The following ADI1 variants were observed in gnomAD, a reference collection of about 807,000 sequenced individuals.
ADI1 encodes acireductone dioxygenase 1.
ADI1 carries 21 observed loss-of-function variants against 18.7 expected under a neutral mutation model. That is an observed-to-expected ratio of 1.13 (90% CI 0.80 to 1.62). ADI1 has a LOEUF of 1.62. Ranked by LOEUF, ADI1 falls within the 40% of genes most tolerant of loss-of-function variation. The pLI is 0.00. For missense variants in ADI1, 245 were observed against 254.9 expected (o/e 0.96, Z 0.26); for synonymous variants, 90 against 100.1 (o/e 0.90, Z 0.60).
intron 2 of ADI1, among the ~76,000 whole-genome samples, chr2:3,513,171 AT>A (rs1163345775): frequency 6.6e-6 from 1 of 152,072 alleles, no homozygotes; most frequent in Non-Finnish European, 1.5e-5. Flanking sequence ...ACTTGTTTTG[AT>A]TTTGCAGGCT....
intron 2 of ADI1, among the ~76,000 whole-genome samples, chr2:3,501,701 T>G (rs1667016154): frequency 6.6e-6 from 1 of 152,048 alleles, no homozygotes; most frequent in East Asian, 1.9e-4. Context: ...CTAATTTTTG[T>G]ATTCTCAGTA....
chr2:3,512,057 G>C (rs1241513889), intron 2 of ADI1, among the ~76,000 whole-genome samples: 1 of 152,226 alleles, frequency 6.6e-6, no homozygotes, highest in African/African-American at 2.4e-5. Context: ...CAAGGGCAAA[G>C]GAATGACCTG....
In ADI1 at chr2:3,499,053, C is replaced by A. The variant is rs1453176250; in HGVS notation, c.450G>T (p.Val150=). Residue 150 remains valine (V), a synonymous_variant, in exon 4 of 4, where the codon GTG becomes GTT. Coordinates refer to ENST00000327435, the MANE Select transcript of ADI1 (RefSeq NM_018269.4). ...TGTACGCTGTCCACACCGGTTCTCC[C>A]ACAAACAGCCGCATGGCCTTCGTGT... ...KNYTKAMRLF[V]GEPVWTAYNR... is the part of the protein sequence containing the mutation. 1 of 1,614,072 alleles carries A rather than the reference C, an allele frequency of 6.2e-7. No homozygotes were observed. The highest frequency in any genetic ancestry group is 8.5e-7 in the Non-Finnish European group (1 of 1,179,910).
intron 2 of ADI1, among the ~76,000 whole-genome samples, chr2:3,504,202 A>C (rs947958468): frequency 1.2e-4 from 18 of 152,340 alleles, no homozygotes; most frequent in Admixed American, 5.2e-4. Flanking sequence ...CTTACTCACA[A>C]CACCACTGCG....
intron 2 of ADI1, among the ~76,000 whole-genome samples, chr2:3,503,549 T>A (rs1186919113): frequency 9.1e-6 from 1 of 109,428 alleles, no homozygotes; most frequent in East Asian, 2.6e-4. Flanking sequence ...ACGTACACAC[T>A]CACACACGTG....
intron 1 of ADI1, 48 bp downstream of exon 1, chr2:3,519,320 T>TG (rs1416926138): frequency 6.7e-6 from 9 of 1,342,534 alleles, no homozygotes; most frequent in Non-Finnish European, 8.6e-6. Context: ...GCGCGGCGTT[T>TG]GGGGGTCGGC....
At chr2:3,510,674 T>C (rs1358335660) in intron 2 of ADI1, among the ~76,000 whole-genome samples, 1 of 152,120 alleles carries the variant, frequency 6.6e-6, no homozygotes, top group African/African-American at 2.4e-5. Flanking sequence ...GGCAATAAAT[T>C]TGACAACTCA....
chr2:3,504,667 C>T (rs1667132033), intron 2 of ADI1, among the ~76,000 whole-genome samples: 1 of 152,224 alleles, frequency 6.6e-6, no homozygotes, highest in African/African-American at 2.4e-5. Context: ...TGTCGGTTCA[C>T]CTGCGTATGT....
At chr2:3,512,368 C>G (rs550654242) in intron 2 of ADI1, among the ~76,000 whole-genome samples, 5 of 152,316 alleles carry the variant, frequency 3.3e-5, no homozygotes, top group African/African-American at 9.6e-5. Context: ...CTTTCAGCAG[C>G]CCCTCCCATC....
chr2:3,519,519 AG>A lies in ADI1; in HGVS notation c.-33del. 1.6e-6 allele frequency: 2 copies of A among 1,257,074 alleles called. No individual in the cohort carries two copies. Among genetic ancestry groups the A allele is most frequent in the Admixed American group, 8.1e-5 (2 of 24,624 alleles). The allele number at this position is 1,257,074 out of a possible 1,614,324, so 77.9% of individuals were successfully genotyped here. On this transcript the variant is annotated 5_prime_UTR_variant, in exon 1 of 4. Coordinates refer to ENST00000327435, the MANE Select transcript of ADI1 (RefSeq NM_018269.4). ...CAGTGCGGGTGCCGTGTTCGAACCC[AG>A]GGGCCGCGCTCGGAGCCCGTCGGCC...
chr2:3,501,127 T>G, intron 2 of ADI1, 134 bp from the exon 3 acceptor site: 1 of 667,132 alleles, frequency 1.5e-6, no homozygotes, highest in Non-Finnish European at 2.5e-6. Flanking sequence ...AAAATGAAAC[T>G]ACACTTGCTA....
At chr2:3,509,755 G>C (rs550011914) in intron 2 of ADI1, among the ~76,000 whole-genome samples, 1 of 151,924 alleles carries the variant, frequency 6.6e-6, no homozygotes, top group Non-Finnish European at 1.5e-5. Context: ...AACACTCTGC[G>C]AGGCCGAGGA....
In ADI1 at chr2:3,516,756, G is replaced by A. The variant is rs543518761; in HGVS notation, c.120+2612C>T. The A allele has an allele frequency of 2.1e-4, 207 of 973,716 alleles. 1 individual carries two copies. The African/African-American group carries it at 3.2e-3, about 15-fold the overall frequency. 60.3% of individuals were successfully genotyped at this position (973,716 alleles called of 1,614,324 possible). On this transcript the variant is annotated intron_variant, in intron 1 of 3. Transcript: ENST00000327435. ...TCCAAGCTAAAATAATCTTCCAATT[G>A]TTTGTATGTATGACAAAAGGTTTTT... is the stretch of plus-strand genomic sequence containing the variant.
chr2:3,502,024 C>T (rs1322093054), intron 2 of ADI1, among the ~76,000 whole-genome samples: 3 of 102,652 alleles, frequency 2.9e-5, no homozygotes, highest in African/African-American at 1.7e-4. Context: ...CACACACACA[C>T]ACACACACAC....
Position 3,499,030 on chromosome 2 carries a change from T to C in ADI1, c.473A>G (p.Tyr158Cys). The change falls in exon 4 of 4, where the codon TAC (tyrosine) becomes TGC (cysteine). Residue 158 changes from tyrosine (Y) to cysteine (C), a missense_variant. Transcript: ENST00000327435. The stretch of plus-strand genomic sequence containing the variant: ...TTCAAAATGGTCAGCGGGCCGGTTG[T>C]ACGCTGTCCACACCGGTTCTCCCAC... ...LFVGEPVWTA[Y>C]NRPADHFEAR... 1.2e-5 allele frequency: 19 copies of C among 1,614,160 alleles called. No homozygotes were observed. The highest frequency in any genetic ancestry group is 1.6e-5 in the Non-Finnish European group (19 of 1,179,972).
At position 3,516,978 on chromosome 2, in the gene ADI1, A is replaced by G. The variant is rs530748505; in HGVS notation, c.120+2390T>C. ...CTGGCTTCAGGCAATCTGCCGCCTC[A>G]GCCTCCCAAAGTGCTGGGATGACAG... On this transcript the variant is annotated intron_variant, in intron 1 of 3. Coordinates refer to ENST00000327435, the MANE Select transcript of ADI1 (RefSeq NM_018269.4). 205 of 975,594 alleles carry G rather than the reference A, an allele frequency of 2.1e-4. 1 individual carries two copies. The African/African-American group carries it at 3.2e-3, about 15-fold the overall frequency. 60.4% of individuals were successfully genotyped at this position (975,594 alleles called of 1,614,324 possible). A position where few individuals can be genotyped will look rare whatever the true frequency, so the allele number is the denominator to read the frequency against.
rs1300101651 is a variant in ADI1 at position 3,503,283 on chromosome 2, TCA to T, written c.241-2292_241-2291del. On this transcript the variant is annotated intron_variant, in intron 2 of 3. Transcript: ENST00000327435. ...ACACGTAACACTCACTCATGTGCAT[TCA>T]CACACATGCACACATACACACTGAC... Among the ~76,000 whole-genome samples, 7 of 140,682 alleles carry T rather than the reference TCA, an allele frequency of 5.0e-5. 1 individual carries two copies. The highest frequency in any genetic ancestry group is 2.2e-4 in the South Asian group (1 of 4,544). 92.3% of individuals were successfully genotyped at this position (140,682 alleles called of 152,430 possible).
At chr2:3,517,587 G>C (rs1558430990) in intron 1 of ADI1, 1 of 152,192 alleles carries the variant, frequency 6.6e-6, no homozygotes, top group Non-Finnish European at 1.5e-5. Context: ...CCAACATGGA[G>C]AAACCCTGTC....
chr2:3,512,967 T>C (rs1667322905), intron 2 of ADI1, among the ~76,000 whole-genome samples: 1 of 152,228 alleles, frequency 6.6e-6, no homozygotes, highest in African/African-American at 2.4e-5. Context: ...AGCCCATTCC[T>C]TGCACCAGTG....
Sources: allele counts gnomAD v4.1 joint callset (sites outside exome capture counted in the v4.1 genomes callset), GRCh38; gene constraint gnomAD v4.1.1; transcripts MANE v1.5; gene names NCBI Gene and HGNC (gene_info 2026-07-23, HGNC 2026-07-21).